Variants in C1orf141 observed in about 807,000 individuals in gnomAD.
C1orf141 encodes chromosome 1 open reading frame 141, also known as uncharacterized protein C1orf141.
C1orf141 carries 19 observed loss-of-function variants against 23.2 expected under a neutral mutation model. The ratio of observed to expected loss-of-function variants is 0.82; its 90% CI spans 0.57 to 1.20. The LOEUF (loss-of-function observed/expected upper bound fraction) is 1.20. Ranked by LOEUF, C1orf141 falls within the 50% of genes most tolerant of loss-of-function variation. The pLI, the probability that C1orf141 is intolerant of heterozygous loss-of-function variation, is 0.00. For synonymous variants in C1orf141, 153 were observed against 154.6 expected (o/e 0.99, Z 0.08); for missense variants, 469 against 455.1 (o/e 1.03, Z -0.28).
At chr1:67,140,497 G>C (rs982095886) in intron 1 of C1orf141, among the ~76,000 whole-genome samples, 7 of 152,130 alleles carry the variant, frequency 4.6e-5, no homozygotes, top group African/African-American at 1.7e-4. Context: ...TGTACATTAA[G>C]CCAATAAAAT....
At chr1:67,121,312 C>G (rs890955022) in intron 4 of C1orf141, among the ~76,000 whole-genome samples, 2 of 152,106 alleles carry the variant, frequency 1.3e-5, no homozygotes, top group African/African-American at 4.8e-5. Context: ...GTAAGGCATA[C>G]TTTTTTTGGT....
intron 5 of C1orf141, among the ~76,000 whole-genome samples, chr1:67,106,347 T>C (rs993110880): frequency 6.6e-6 from 1 of 152,126 alleles, no homozygotes; most frequent in African/African-American, 2.4e-5. Flanking sequence ...ATAGCAGCTA[T>C]TATAACTATG....
intron 5 of C1orf141, among the ~76,000 whole-genome samples, chr1:67,098,717 T>A (rs918785547): frequency 2.0e-5 from 3 of 152,138 alleles, no homozygotes; most frequent in African/African-American, 7.2e-5. Flanking sequence ...TGTCAATTGA[T>A]GACATCTTAG....
intron 5 of C1orf141, chr1:67,102,719 A>C (rs1278311334): frequency 6.6e-6 from 1 of 152,062 alleles, no homozygotes. Flanking sequence ...TTTTTCTTGC[A>C]TCTGTAGTGG....
At chr1:67,127,575 T>C (rs1025047341) in intron 2 of C1orf141, among the ~76,000 whole-genome samples, 107 of 152,242 alleles carry the variant, frequency 7.0e-4, no homozygotes, top group African/African-American at 2.2e-3. Context: ...TTGACTTATA[T>C]CTATTTTCTT....
rs375468444 is a variant in C1orf141, at chr1:67,111,233, A to G, written c.346+4119T>C. 5.9e-5 allele frequency among the ~76,000 whole-genome samples: 9 copies of G among 152,180 alleles called. No individual in the cohort carries two copies. In the South Asian group the frequency reaches 6.2e-4, roughly 11 times the overall value. On this transcript the variant is annotated intron_variant, in intron 5 of 7. Coordinates refer to ENST00000684719, the MANE Select transcript of C1orf141 (RefSeq NM_001276351.2). Reference sequence around the variant, plus strand: ...AAAGGTCTTGGTTACACATTAAAAGATTAACAAATTGATATATATTTTTAT... The same window carrying G: ...AAAGGTCTTGGTTACACATTAAAAGGTTAACAAATTGATATATATTTTTAT...
upstream of C1orf141, among the ~76,000 whole-genome samples, chr1:67,137,207 A>G (rs186762192): frequency 5.6e-4 from 85 of 152,318 alleles, no homozygotes; most frequent in African/African-American, 1.9e-3. Flanking sequence ...ATAATTTGCT[A>G]GAAAGACTCA....
At chr1:67,141,642 C>T (rs1433385531) in intron 1 of C1orf141, among the ~76,000 whole-genome samples, 1 of 152,030 alleles carries the variant, frequency 6.6e-6, no homozygotes, top group African/African-American at 2.4e-5. Flanking sequence ...ATCTGCAGTC[C>T]AGCTATTCAG....
chr1:67,120,922 A>G (rs1646286963), intron 4 of C1orf141, among the ~76,000 whole-genome samples: 1 of 152,204 alleles, frequency 6.6e-6, no homozygotes, highest in South Asian at 2.1e-4. Context: ...ATTGTGGAGT[A>G]TATTGGAGAG....
At chr1:67,105,062 C>T (rs532456660) in intron 5 of C1orf141, among the ~76,000 whole-genome samples, 1 of 152,102 alleles carries the variant, frequency 6.6e-6, no homozygotes, top group African/African-American at 2.4e-5. Context: ...TACGGTGGCT[C>T]GTGCCTGTAA....
chr1:67,134,185 G>A (rs1480543666), intron 1 of C1orf141, among the ~76,000 whole-genome samples: 1 of 152,152 alleles, frequency 6.6e-6, no homozygotes, highest in Non-Finnish European at 1.5e-5. Flanking sequence ...TGTATTTTTA[G>A]TAGAGACGGG....
chr1:67,095,639 T>C (rs763476110), intron 6 of C1orf141: 1 of 396,520 alleles, frequency 2.5e-6, no homozygotes, highest in Non-Finnish European at 4.5e-6. Flanking sequence ...ATATGCCTCT[T>C]TGGATTTTGA....
intron 5 of C1orf141, among the ~76,000 whole-genome samples, chr1:67,102,307 C>CGTGTGT (rs57508145): frequency 0.021 from 2,894 of 139,648 alleles, 94 homozygotes; most frequent in African/African-American, 0.066. Flanking sequence ...TCTTCTGCTC[C>CGTGTGT]GTGTGTGTGT....
chr1:67,115,359 C>G lies in C1orf141; in HGVS notation c.339G>C (p.Glu113Asp), dbSNP rs764879658. 4.4e-6 allele frequency: 5 copies of G among 1,132,880 alleles called. No homozygotes were observed. The South Asian group carries it at 6.8e-5, about 15-fold the overall frequency. The allele number at this position is 1,132,880 out of a possible 1,614,324, so 70.2% of individuals were successfully genotyped here. Residue 113 changes from glutamate (E) to aspartate (D), a missense_variant, in exon 5 of 8, where the codon GAG (glutamate) becomes GAC (aspartate). Glu to Asp is a conservative substitution (Grantham distance 45). Around this residue, in one of 3 missense-constraint regions of C1orf141, gnomAD observed 370 missense variants for 348.1 expected, o/e 1.06. Coordinates refer to ENST00000684719, the MANE Select transcript of C1orf141 (RefSeq NM_001276351.2). Reference protein sequence around the residue: ...IQTNVKNKESESTAQIEKKPR... With the variant: ...IQTNVKNKESDSTAQIEKKPR... ...TGTTACACAAAGCATTACCTGTTGA[C>G]TCACTTTCTTTATTTTTTACATTTG...
At chr1:67,136,889 A>AT (rs1169156028), upstream of C1orf141, among the ~76,000 whole-genome samples, 1 of 152,154 alleles carries the variant, frequency 6.6e-6, no homozygotes, top group Non-Finnish European at 1.5e-5. Context: ...ATTCAAGTGG[A>AT]TTTTTTCCTA....
chr1:67,136,397 G>T (rs1376797061), upstream of C1orf141, among the ~76,000 whole-genome samples: 1 of 152,094 alleles, frequency 6.6e-6, no homozygotes, highest in Non-Finnish European at 1.5e-5. Context: ...AGGAACAATG[G>T]TTTGTATGGA....
intron 4 of C1orf141, among the ~76,000 whole-genome samples, chr1:67,124,204 T>C (rs1300457454): frequency 6.6e-6 from 1 of 152,248 alleles, no homozygotes; most frequent in East Asian, 1.9e-4. Flanking sequence ...ACAAAACTGC[T>C]ACATGAAGAA....
rs149011111 is a variant in C1orf141, at chr1:67,100,308, G to A, written c.347-3987C>T. On this transcript the variant is annotated intron_variant, in intron 5 of 7. Coordinates refer to ENST00000684719, the MANE Select transcript of C1orf141 (RefSeq NM_001276351.2). Reference sequence around the variant, plus strand: ...ATATTTTTGTCCCCTTACACTGCACGTTGTATATATTCCTACACCTGCTTT... The same window carrying A: ...ATATTTTTGTCCCCTTACACTGCACATTGTATATATTCCTACACCTGCTTT... 1.8e-4 allele frequency among the ~76,000 whole-genome samples: 28 copies of A among 152,066 alleles called. No homozygotes were observed. The East Asian group carries it at 3.3e-3, about 18-fold the overall frequency.
chr1:67,120,290 T>C (rs568226413), intron 4 of C1orf141, among the ~76,000 whole-genome samples: 1 of 152,202 alleles, frequency 6.6e-6, no homozygotes, highest in African/African-American at 2.4e-5. Context: ...AGAAATTTTG[T>C]CTCAGGGTAC....
Sources: allele counts gnomAD v4.1 joint callset (sites outside exome capture counted in the v4.1 genomes callset), GRCh38; gene constraint gnomAD v4.1.1; regional missense constraint gnomAD v4.1.1; transcripts MANE v1.5; gene names NCBI Gene and HGNC (gene_info 2026-07-23, HGNC 2026-07-21).